Variants in PLPP4 observed in about 807,000 individuals in gnomAD.
The protein encoded by PLPP4 is diacylglycerol pyrophosphate like 2.
Under a neutral mutation model 32.2 loss-of-function variants are expected in PLPP4, and 20 were observed. The ratio of observed to expected loss-of-function variants is 0.62; its 90% confidence interval spans 0.44 to 0.90. The LOEUF is 0.90. PLPP4 is among the 40% of genes least tolerant of loss of function. The probability of loss-of-function intolerance (pLI) is 0.00; values close to 1 mark genes in which losing one functional copy is unlikely to be tolerated. For synonymous variants in PLPP4, 127 were observed against 133.0 expected, an observed-to-expected ratio of 0.95 and a Z score of 0.31; for missense variants, 257 against 353.1, an observed-to-expected ratio of 0.73 and a Z score of 2.18.
chr10:120,477,131 G>A (rs1484644235), intron 1 of PLPP4, among the ~76,000 whole-genome samples: 3 of 151,604 alleles, frequency 2.0e-5, no homozygotes, highest in African/African-American at 4.8e-5. Context: ...CAAGAGGCTC[G>A]GACGAAGCTT....
intron 1 of PLPP4, among the ~76,000 whole-genome samples, chr10:120,479,282 C>A (rs4752422): frequency 0.74 from 111,765 of 152,014 alleles, 42,281 homozygotes; most frequent in East Asian, 0.92. Flanking sequence ...CCCCTACTGC[C>A]ACCAGTTTTG....
intron 6 of PLPP4, chr10:120,581,137 C>G (rs1409523274): frequency 2.0e-6 from 2 of 985,310 alleles, no homozygotes; most frequent in Admixed American, 6.1e-5. Context: ...CTGCCCTCTT[C>G]CTGCCTCCAG....
chr10:120,554,015 G>A (rs1848033034), intron 5 of PLPP4, among the ~76,000 whole-genome samples: 1 of 152,150 alleles, frequency 6.6e-6, no homozygotes. Flanking sequence ...TGCAGAAAAT[G>A]TTTTTGTTTT....
At chr10:120,531,420 A>T (rs887543092) in intron 5 of PLPP4, among the ~76,000 whole-genome samples, 3 of 152,022 alleles carry the variant, frequency 2.0e-5, no homozygotes, top group Non-Finnish European at 4.4e-5. Context: ...TATTTTCTTA[A>T]TGATGTCTTT....
At chr10:120,556,813 T>C (rs34637772) in intron 5 of PLPP4, among the ~76,000 whole-genome samples, 7,971 of 152,182 alleles carry the variant, frequency 0.052, 294 homozygotes, top group Middle Eastern at 0.14. Context: ...CGGCACTAGA[T>C]GTTACTTTGT....
intron 1 of PLPP4, among the ~76,000 whole-genome samples, chr10:120,459,765 GC>G (rs1278427158): frequency 1.3e-5 from 2 of 152,124 alleles, no homozygotes; most frequent in Non-Finnish European, 2.9e-5. Flanking sequence ...GCAAACTTAT[GC>G]CCCCGGAGAA....
chr10:120,508,627 G>A (rs962811480), intron 2 of PLPP4, among the ~76,000 whole-genome samples: 1 of 152,186 alleles, frequency 6.6e-6, no homozygotes, highest in Non-Finnish European at 1.5e-5. Flanking sequence ...AGGTGGGGAT[G>A]ACTCACTTTC....
At chr10:120,469,854 G>A (rs7090667) in intron 1 of PLPP4, among the ~76,000 whole-genome samples, 109,997 of 152,038 alleles carry the variant, frequency 0.72, 41,758 homozygotes, top group East Asian at 0.92. Context: ...TTTTTACTGG[G>A]TGTGTGGTGT....
chr10:120,487,278 G>A (rs1177454754), intron 1 of PLPP4, among the ~76,000 whole-genome samples: 2 of 152,208 alleles, frequency 1.3e-5, no homozygotes, highest in African/African-American at 4.8e-5. Flanking sequence ...AGAACAGGGA[G>A]TTTTATTGTT....
At chr10:120,563,524 G>A (rs1477735484) in intron 5 of PLPP4, among the ~76,000 whole-genome samples, 1 of 149,458 alleles carries the variant, frequency 6.7e-6, no homozygotes, top group East Asian at 1.9e-4. Flanking sequence ...TTTTAGGCCG[G>A]GCGCGGTGGC....
intron 6 of PLPP4, among the ~76,000 whole-genome samples, chr10:120,586,098 T>C (rs755811721): frequency 4.8e-4 from 73 of 151,540 alleles, no homozygotes; most frequent in Non-Finnish European, 9.4e-4. Context: ...AAAGAGAAGA[T>C]ATGACCTATT....
At chr10:120,461,314 T>A (rs557361831) in intron 1 of PLPP4, among the ~76,000 whole-genome samples, 1 of 152,186 alleles carries the variant, frequency 6.6e-6, no homozygotes, top group African/African-American at 2.4e-5. Flanking sequence ...TCCCAGGACA[T>A]CTGTTAGTTC....
At chr10:120,509,760 G>A (rs555978022) in intron 2 of PLPP4, among the ~76,000 whole-genome samples, 1 of 152,334 alleles carries the variant, frequency 6.6e-6, no homozygotes, top group South Asian at 2.1e-4. Flanking sequence ...AAAGTGTGAG[G>A]AAAGTCCATA....
intron 5 of PLPP4, among the ~76,000 whole-genome samples, chr10:120,536,796 G>A (rs1243293198): frequency 1.3e-5 from 2 of 151,956 alleles, no homozygotes; most frequent in Admixed American, 6.6e-5. Flanking sequence ...CTTGCAAACT[G>A]TATATCAAAT....
chr10:120,511,652 C>A (rs1406241646), intron 2 of PLPP4, among the ~76,000 whole-genome samples: 2 of 152,160 alleles, frequency 1.3e-5, no homozygotes, highest in Non-Finnish European at 2.9e-5. Flanking sequence ...TTTGGAGAAA[C>A]AAGGACTTCT....
intron 6 of PLPP4, among the ~76,000 whole-genome samples, chr10:120,576,847 G>A (rs755939): frequency 0.017 from 2,570 of 152,326 alleles, 81 homozygotes; most frequent in African/African-American, 0.059. Flanking sequence ...AACAAAAACA[G>A]AGGCACAGCC....
At chr10:120,514,201 G>A (rs568487468) in intron 3 of PLPP4, among the ~76,000 whole-genome samples, 200 bp downstream of exon 3, 2 of 152,164 alleles carry the variant, frequency 1.3e-5, no homozygotes, top group South Asian at 2.1e-4. Flanking sequence ...TTCAGACACC[G>A]CCCACTGTCG....
intron 5 of PLPP4, among the ~76,000 whole-genome samples, chr10:120,539,810 G>A (rs1847249131): frequency 6.6e-6 from 1 of 152,238 alleles, no homozygotes; most frequent in Non-Finnish European, 1.5e-5. Flanking sequence ...TTTGGGAGGA[G>A]TGAGGGAGGA....
chr10:120,535,252 G>A (rs2133946355), intron 5 of PLPP4, among the ~76,000 whole-genome samples: 1 of 152,148 alleles, frequency 6.6e-6, no homozygotes, highest in East Asian at 1.9e-4. Context: ...TTTAGGAGTT[G>A]ATTGTTTACT....
Sources: gnomAD v4.1 joint callset for allele counts (sites outside exome capture counted in the v4.1 genomes callset) on GRCh38, gnomAD v4.1.1 for gene constraint, MANE v1.5 for transcripts, NCBI Gene and HGNC (gene_info 2026-07-23, HGNC 2026-07-21) for gene names.